The following KLHDC10 variants were observed in gnomAD, a reference collection of about 807,000 sequenced individuals.
KLHDC10 encodes the protein kelch domain containing 10.
In KLHDC10, 24 loss-of-function variants were observed where a neutral mutation model predicts 56.1. The observed-to-expected ratio is 0.43, with a 90% confidence interval of 0.31 to 0.60. The LOEUF is 0.60. Among genes scored for constraint, KLHDC10 ranks in the 20% least tolerant of loss-of-function variants. KLHDC10 has a pLI of 0.11. For missense variants in KLHDC10, 349 were observed against 567.0 expected (o/e 0.62, Z 3.91); for synonymous variants, 188 against 207.1 (o/e 0.91, Z 0.79).
chr7:130,124,538 ATAT>A lies in KLHDC10; in HGVS notation c.864+5_864+7del. The A allele has an allele frequency of 1.3e-6, 2 of 1,511,250 alleles. No individual in the cohort carries two copies. Among genetic ancestry groups the A allele is most frequent in the Non-Finnish European group, 1.8e-6 (2 of 1,090,044 alleles). The allele number at this position is 1,511,250 out of a possible 1,614,324, so 93.6% of individuals were successfully genotyped here. A position where few individuals can be genotyped will look rare whatever the true frequency, so the allele number is the denominator to read the frequency against. On this transcript the variant is annotated splice_donor_5th_base_variant and intron_variant, in intron 6 of 9. Transcript: ENST00000335420. ...GGACAGCATATTCCTTAAACAAGGTATATTTTTTTAAAAAGAAAAAAAGGGAGA... is the reference window on the plus strand; with the variant it reads ...GGACAGCATATTCCTTAAACAAGGTATTTTTTAAAAAGAAAAAAAGGGAGA...
chr7:130,093,901 C>T (rs1484558273), intron 1 of KLHDC10, among the ~76,000 whole-genome samples: 2 of 151,888 alleles, frequency 1.3e-5, no homozygotes, highest in Non-Finnish European at 2.9e-5. Flanking sequence ...TTTTTTATTA[C>T]AGTTTTGGTG....
chr7:130,090,799 A>C (rs1317677568), intron 1 of KLHDC10, among the ~76,000 whole-genome samples: 2 of 104,530 alleles, frequency 1.9e-5, no homozygotes, highest in African/African-American at 6.1e-5. Flanking sequence ...TGTGTGTATC[A>C]TATTCTGTAC....
At chr7:130,119,331 C>A (rs1445064661) in intron 3 of KLHDC10, among the ~76,000 whole-genome samples, 1 of 150,910 alleles carries the variant, frequency 6.6e-6, no homozygotes, top group Non-Finnish European at 1.5e-5. Context: ...GCCAACATAG[C>A]AAAACCCCAT....
rs541458571 is a variant in KLHDC10, at chr7:130,126,536, C to A, written c.931+605C>A. On this transcript the variant is annotated intron_variant, in intron 7 of 9. Transcript: ENST00000335420. ...ACTAAAAATGTAAAAATTAGCTGGG[C>A]GTGGTGGCATGTACCTGTCATCCCA... 2.6e-5 allele frequency among the ~76,000 whole-genome samples: 4 copies of A among 151,764 alleles called. No individual in the cohort carries two copies. The East Asian group carries it at 7.8e-4, about 30-fold the overall frequency.
chr7:130,085,618 TGAGGTCAGGAGTTC>T (rs1192193039), intron 1 of KLHDC10, among the ~76,000 whole-genome samples: 1 of 151,698 alleles, frequency 6.6e-6, no homozygotes, highest in Non-Finnish European at 1.5e-5. Context: ...GTGGATCACC[TGAGGTCAGGAGTTC>T]GAGACCAGCC....
At chr7:130,108,556 C>CAAAAAAAAAAAA (rs71175086) in intron 2 of KLHDC10, among the ~76,000 whole-genome samples, 23 of 85,652 alleles carry the variant, frequency 2.7e-4, no homozygotes, top group African/African-American at 9.5e-4. Flanking sequence ...ACCAAATATC[C>CAAAAAAAAAAAA]AAAAAAAAAA....
At chr7:130,126,272 T>G (rs1796314898) in intron 7 of KLHDC10, among the ~76,000 whole-genome samples, 1 of 152,110 alleles carries the variant, frequency 6.6e-6, no homozygotes. Flanking sequence ...TAGCCATGAT[T>G]GAGCCACTAC....
chr7:130,089,131 T>C (rs1254510202), intron 1 of KLHDC10, among the ~76,000 whole-genome samples: 1 of 152,004 alleles, frequency 6.6e-6, no homozygotes. Flanking sequence ...AAAAAACATA[T>C]ATTTTAAAAT....
At chr7:130,075,838 C>G (rs1795490463) in intron 1 of KLHDC10, among the ~76,000 whole-genome samples, 1 of 152,032 alleles carries the variant, frequency 6.6e-6, no homozygotes, top group African/African-American at 2.4e-5. Context: ...TTTAAATTGT[C>G]AGTTTAATAG....
intron 2 of KLHDC10, among the ~76,000 whole-genome samples, chr7:130,100,699 C>A (rs957270948): frequency 2.0e-5 from 3 of 152,064 alleles, no homozygotes; most frequent in Non-Finnish European, 4.4e-5. Flanking sequence ...TTTGAAATAG[C>A]CACTTTGAAG....
At chr7:130,113,056 A>G (rs913232118) in intron 2 of KLHDC10, among the ~76,000 whole-genome samples, 65 of 152,212 alleles carry the variant, frequency 4.3e-4, no homozygotes, top group African/African-American at 1.4e-3. Flanking sequence ...TATCATTTCA[A>G]CATACAATCA....
At position 130,078,011 on chromosome 7, in the gene KLHDC10, T is replaced by TAAATA. The variant is rs776595131; in HGVS notation, c.166+7204_166+7208dup. ...TTTTCTAGAGAATAACAGGTATAGC[T>TAAATA]AAATAATCATATCATTACTGAATAA... On this transcript the variant is annotated intron_variant, in intron 1 of 9. Coordinates refer to ENST00000335420, the MANE Select transcript of KLHDC10 (RefSeq NM_014997.4). 1.5e-3 allele frequency among the ~76,000 whole-genome samples: 225 copies of TAAATA among 152,312 alleles called. 1 individual carries two copies. Among genetic ancestry groups the TAAATA allele is most frequent in the Non-Finnish European group, 2.8e-3 (190 of 68,032 alleles).
chr7:130,126,804 G>T (rs1192176616), intron 7 of KLHDC10, among the ~76,000 whole-genome samples: 1 of 151,842 alleles, frequency 6.6e-6, no homozygotes, highest in African/African-American at 2.4e-5. Context: ...AAATATGGGT[G>T]ATATAAGAAA....
intron 1 of KLHDC10, among the ~76,000 whole-genome samples, chr7:130,086,474 C>G (rs1220100379): frequency 2.0e-5 from 3 of 152,200 alleles, no homozygotes; most frequent in African/African-American, 7.2e-5. Context: ...CCTCGTTTTG[C>G]AGTCTGTCTC....
rs1252748920 is a variant in KLHDC10, at chr7:130,076,806, A to G, written c.166+5997A>G. On this transcript the variant is annotated intron_variant, in intron 1 of 9. Coordinates refer to ENST00000335420, the MANE Select transcript of KLHDC10 (RefSeq NM_014997.4). Reference sequence around the variant, plus strand: ...ACTGGACTTTTATTCTGTTTCATTGATCAGATTACCTATTTATACCTAATG... The same window carrying G: ...ACTGGACTTTTATTCTGTTTCATTGGTCAGATTACCTATTTATACCTAATG... Among the ~76,000 whole-genome samples the G allele has an allele frequency of 3.3e-5, 5 of 152,168 alleles. No homozygotes were observed. The East Asian group carries it at 7.7e-4, about 24-fold the overall frequency.
intron 5 of KLHDC10, among the ~76,000 whole-genome samples, chr7:130,123,331 G>A (rs1434834016): frequency 3.3e-5 from 5 of 152,010 alleles, no homozygotes; most frequent in African/African-American, 9.7e-5. Context: ...TTAGCTGGGT[G>A]TGGTGGTGGG....
At chr7:130,122,520 C>G (rs376083738) in intron 5 of KLHDC10, among the ~76,000 whole-genome samples, 1 of 152,154 alleles carries the variant, frequency 6.6e-6, no homozygotes, top group East Asian at 1.9e-4. Flanking sequence ...TTTCATATTA[C>G]AGGCAAAACA....
At chr7:130,071,907 T>G (rs1433695852) in intron 1 of KLHDC10, among the ~76,000 whole-genome samples, 1 of 152,178 alleles carries the variant, frequency 6.6e-6, no homozygotes, top group Non-Finnish European at 1.5e-5. Flanking sequence ...CAAAGGGAAT[T>G]TAGCACATTT....
At chr7:130,075,839 A>G (rs573912205) in intron 1 of KLHDC10, among the ~76,000 whole-genome samples, 1 of 152,216 alleles carries the variant, frequency 6.6e-6, no homozygotes, top group East Asian at 1.9e-4. Flanking sequence ...TTAAATTGTC[A>G]GTTTAATAGG....
Sources: gnomAD v4.1 joint callset for allele counts (sites outside exome capture counted in the v4.1 genomes callset) on GRCh38, gnomAD v4.1.1 for gene constraint, MANE v1.5 for transcripts, NCBI Gene and HGNC (gene_info 2026-07-23, HGNC 2026-07-21) for gene names.